CDH18: variants seen among roughly 807,000 people sequenced by gnomAD.
CDH18 encodes cadherin 18, also known as cadherin-18.
Under a neutral mutation model 67.9 loss-of-function variants are expected in CDH18, and 31 were observed. That is an observed-to-expected ratio of 0.46 (90% CI 0.34 to 0.62). The LOEUF is 0.62. Among genes scored for constraint, CDH18 ranks in the 20% least tolerant of loss-of-function variants. The pLI is 0.01. For synonymous variants in CDH18, 362 were observed against 347.2 expected, an observed-to-expected ratio of 1.04 and a Z score of -0.48; for missense variants, 890 against 975.5, an observed-to-expected ratio of 0.91 and a Z score of 1.17.
intron 1 of CDH18, among the ~76,000 whole-genome samples, chr5:20,478,610 A>T (rs987299040): frequency 3.9e-5 from 6 of 152,066 alleles, no homozygotes; most frequent in African/African-American, 1.4e-4. Flanking sequence ...GTCAATTCCT[A>T]AGGTTCCCGA....
At chr5:19,932,971 G>T (rs1179883297) in intron 2 of CDH18, among the ~76,000 whole-genome samples, 1 of 151,344 alleles carries the variant, frequency 6.6e-6, no homozygotes, top group Non-Finnish European at 1.5e-5. Flanking sequence ...CTTAACATAG[G>T]CTTCTAATAC....
chr5:20,247,394 C>G (rs1437349279), intron 2 of CDH18, among the ~76,000 whole-genome samples: 1 of 152,154 alleles, frequency 6.6e-6, no homozygotes, highest in African/African-American at 2.4e-5. Flanking sequence ...GGTAAAGACA[C>G]TTTCCTTGAT....
rs531235147 is a variant in CDH18 at position 20,249,694 on chromosome 5, G to A, written c.-518+5750C>T. 3.3e-5 allele frequency among the ~76,000 whole-genome samples: 5 copies of A among 152,120 alleles called. No homozygotes were observed. In the East Asian group the frequency reaches 9.7e-4, roughly 29 times the overall value. ...CTATTCCTTTAAAACTTATAATGCA[G>A]TTTATGGCTCTACTTCGCTAAAAAA... is the stretch of plus-strand genomic sequence containing the variant. On this transcript the variant is annotated intron_variant, in intron 2 of 14. Transcript: ENST00000507958.
intron 1 of CDH18, among the ~76,000 whole-genome samples, chr5:20,404,440 A>G (rs923623233): frequency 2.0e-5 from 3 of 152,170 alleles, no homozygotes; most frequent in Non-Finnish European, 4.4e-5. Context: ...AAAGACAGGT[A>G]TGGAATTCTT....
chr5:19,615,163 A>T (rs1749628265), intron 5 of CDH18, among the ~76,000 whole-genome samples: 2 of 152,040 alleles, frequency 1.3e-5, no homozygotes, highest in African/African-American at 2.4e-5. Context: ...AAAAAAAAAA[A>T]AAATCATAAC....
At chr5:19,705,195 T>G (rs369422598) in intron 5 of CDH18, among the ~76,000 whole-genome samples, 2 of 152,162 alleles carry the variant, frequency 1.3e-5, no homozygotes, top group East Asian at 3.9e-4. Flanking sequence ...GAAATATTAC[T>G]CCAACGTTAT....
chr5:20,493,555 G>A (rs1033087436), intron 1 of CDH18, among the ~76,000 whole-genome samples: 1 of 151,960 alleles, frequency 6.6e-6, no homozygotes, highest in African/African-American at 2.4e-5. Context: ...GTGGGGTGCT[G>A]GAGAGCTTTA....
intron 1 of CDH18, among the ~76,000 whole-genome samples, chr5:20,370,681 C>T (rs1227867423): frequency 6.6e-6 from 1 of 152,118 alleles, no homozygotes; most frequent in African/African-American, 2.4e-5. Context: ...TTCTAAAGAT[C>T]ATTCTGGCAA....
At chr5:19,683,112 T>TCTATCTATCTAG (rs945411695) in intron 5 of CDH18, among the ~76,000 whole-genome samples, 20 of 151,976 alleles carry the variant, frequency 1.3e-4, no homozygotes, top group Admixed American at 8.5e-4. Context: ...ACTCTATCTA[T>TCTATCTATCTAG]CTATCTATCT....
chr5:20,560,202 G>A (rs1307083093), intron 1 of CDH18, among the ~76,000 whole-genome samples: 1 of 152,028 alleles, frequency 6.6e-6, no homozygotes, highest in African/African-American at 2.4e-5. Context: ...AATTTTTAAA[G>A]GGACTTGTCC....
At chr5:19,623,982 CATTATTATTATTATTATT>C (rs70950078) in intron 5 of CDH18, among the ~76,000 whole-genome samples, 2 of 139,828 alleles carry the variant, frequency 1.4e-5, no homozygotes, top group African/African-American at 5.2e-5. Flanking sequence ...TGTCACACTC[CATTATTATTATTATTATT>C]ATTATTATTA....
chr5:20,219,982 CA>C (rs1741096959), intron 2 of CDH18, among the ~76,000 whole-genome samples: 2 of 151,138 alleles, frequency 1.3e-5, no homozygotes. Flanking sequence ...AAGAGGGCAC[CA>C]AAAAAGGGAA....
At chr5:20,227,765 G>A (rs1295819999) in intron 2 of CDH18, among the ~76,000 whole-genome samples, 1 of 151,940 alleles carries the variant, frequency 6.6e-6, no homozygotes, top group Non-Finnish European at 1.5e-5. Context: ...TGGGATTACA[G>A]GGATGAGCCA....
intron 1 of CDH18, among the ~76,000 whole-genome samples, chr5:20,321,145 T>C (rs73763351): frequency 0.019 from 2,938 of 152,178 alleles, 93 homozygotes; most frequent in African/African-American, 0.066. Flanking sequence ...TGTTAATTCC[T>C]TATATATAGA....
chr5:19,708,934 G>T (rs1170799548), intron 5 of CDH18, among the ~76,000 whole-genome samples: 1 of 151,968 alleles, frequency 6.6e-6, no homozygotes. Flanking sequence ...CCATGACCGA[G>T]CTGGTCTCAG....
At chr5:20,476,268 T>C (rs73767544) in intron 1 of CDH18, among the ~76,000 whole-genome samples, 8,309 of 151,854 alleles carry the variant, frequency 0.055, 755 homozygotes, top group African/African-American at 0.19. Flanking sequence ...TTTGCTGAGA[T>C]GAATTATTTT....
At chr5:19,916,020 G>C (rs1791745594) in intron 2 of CDH18, among the ~76,000 whole-genome samples, 1 of 152,068 alleles carries the variant, frequency 6.6e-6, no homozygotes, top group South Asian at 2.1e-4. Context: ...AGCCATTATT[G>C]AAGGATTCTA....
At chr5:20,365,200 C>T (rs1742405832) in intron 1 of CDH18, among the ~76,000 whole-genome samples, 1 of 152,094 alleles carries the variant, frequency 6.6e-6, no homozygotes, top group African/African-American at 2.4e-5. Flanking sequence ...TAGATGGCTG[C>T]CTGGCTGTGT....
intron 10 of CDH18, among the ~76,000 whole-genome samples, chr5:19,516,037 T>G (rs1172421453): frequency 1.3e-5 from 2 of 152,120 alleles, no homozygotes; most frequent in Non-Finnish European, 2.9e-5. Context: ...ATACCTAGTT[T>G]ATTGAGAGTT....
Sources: allele counts gnomAD v4.1 joint callset (sites outside exome capture counted in the v4.1 genomes callset), GRCh38; gene constraint gnomAD v4.1.1; transcripts MANE v1.5; gene names NCBI Gene and HGNC (gene_info 2026-07-23, HGNC 2026-07-21).